Variants in LARGE2 observed in about 807,000 individuals in gnomAD.
LARGE2 encodes xylosyl- and glucuronyltransferase LARGE2.
LARGE2 carries 63 observed loss-of-function variants against 75.3 expected under a neutral mutation model. The ratio of observed to expected loss-of-function variants is 0.84; its 90% CI spans 0.68 to 1.03. The LOEUF (loss-of-function observed/expected upper bound fraction) is 1.03, where lower values mean the gene tolerates loss of function less well. LARGE2 is among the 50% of genes least tolerant of loss of function. LARGE2 has a pLI of 0.00. For missense variants in LARGE2, 925 were observed against 980.6 expected (o/e 0.94, Z 0.76); for synonymous variants, 428 against 420.1 (o/e 1.02, Z -0.23).
At chr11:45,924,715 C>T in intron 5 of LARGE2, 38 bp downstream of exon 5, 1 of 1,572,850 alleles carries the variant, frequency 6.4e-7, no homozygotes, top group Non-Finnish European at 8.6e-7. Context: ...TGCCCAGGAT[C>T]CCTGCATCCA....
chr11:45,923,437 A>AT (rs1182313976), intron 2 of LARGE2, 36 bp from the exon 3 acceptor site: 2 of 1,499,446 alleles, frequency 1.3e-6, no homozygotes, highest in Non-Finnish European at 9.0e-7. Flanking sequence ...CTAGCGGAGA[A>AT]GGGGGGCTGC....
At chr11:45,928,497 A>T (rs1489457394) in intron 13 of LARGE2, 125 bp downstream of exon 13, 1 of 1,527,828 alleles carries the variant, frequency 6.5e-7, no homozygotes, top group Non-Finnish European at 8.8e-7. Flanking sequence ...CCTTCTGTGG[A>T]ATTAAAATAA....
At position 45,924,515 on chromosome 11, in the gene LARGE2, T is replaced by C. The variant is rs1227348970; in HGVS notation, c.502T>C (p.Ser168Pro). The change falls in exon 5 of 14, where the codon TCC becomes CCC. Residue 168 changes from serine to proline, a missense_variant. Ser to Pro is a moderately conservative substitution (Grantham distance 74). Around this residue, in one of 3 missense-constraint regions of LARGE2, gnomAD observed 453 missense variants for 460.2 expected, o/e 0.98. Coordinates refer to ENST00000401752, the MANE Select transcript of LARGE2 (RefSeq NM_001300721.2). ...YHADQLKPQV[S>P]WIPNKHYSGL... The stretch of plus-strand genomic sequence containing the variant: ...CCTTTCCCCCACACAGCCCCAGGTC[T>C]CCTGGATCCCCAACAAGCACTACTC... The C allele has an allele frequency of 1.2e-6, 2 of 1,612,204 alleles. No homozygotes were observed. Among genetic ancestry groups the C allele is most frequent in the Non-Finnish European group, 8.5e-7 (1 of 1,179,308 alleles).
Position 45,926,850 on chromosome 11 carries a change from T to C in LARGE2, c.1304T>C (p.Val435Ala), listed in dbSNP as rs1433922020. Residue 435 changes from valine to alanine, a missense_variant, in exon 10 of 14, where the codon GTG becomes GCG. Val to Ala is a moderately conservative substitution (Grantham distance 64). Around this residue, in one of 3 missense-constraint regions of LARGE2, gnomAD observed 469 missense variants for 503.8 expected, o/e 0.93. Transcript: ENST00000401752. ...CCCCGGCCTCACGATGTCACCCTTGTGGCCCAGCTGTCCATGGACCGGTGA... is the reference window on the plus strand; with the variant it reads ...CCCCGGCCTCACGATGTCACCCTTGCGGCCCAGCTGTCCATGGACCGGTGA... ...PPPRPHDVTLVAQLSMDRLQM... is the reference protein window; with the variant it reads ...PPPRPHDVTLAAQLSMDRLQM... The C allele has an allele frequency of 6.2e-7, 1 of 1,612,046 alleles. No individual in the cohort carries two copies. The highest frequency in any genetic ancestry group is 8.5e-7 in the Non-Finnish European group (1 of 1,179,626).
rs904011062 is a variant in LARGE2, at chr11:45,923,102, G to C, written c.220G>C (p.Ala74Pro). The C allele has an allele frequency of 5.0e-6, 7 of 1,398,690 alleles. No homozygotes were observed. Among genetic ancestry groups the C allele is most frequent in the South Asian group, 1.5e-5 (1 of 64,518 alleles). The allele number at this position is 1,398,690 out of a possible 1,614,324, so 86.6% of individuals were successfully genotyped here. A position where few individuals can be genotyped will look rare whatever the true frequency, so the allele number is the denominator to read the frequency against. ...CGCCGCCCTCGACGGAGACCCGGGGGCCGGCCCCGGGGACCACAACCGCTC... is the reference window on the plus strand; with the variant it reads ...CGCCGCCCTCGACGGAGACCCGGGGCCCGGCCCCGGGGACCACAACCGCTC... ...RAAALDGDPG[A>P]GPGDHNRSDC... The change falls in exon 2 of 14, where the codon GCC becomes CCC. Residue 74 changes from alanine (A) to proline (P), a missense_variant. Coordinates refer to ENST00000401752, the MANE Select transcript of LARGE2 (RefSeq NM_001300721.2).
At chr11:45,923,792 C>T (rs2134720670) in intron 3 of LARGE2, among the ~76,000 whole-genome samples, 1 of 151,650 alleles carries the variant, frequency 6.6e-6, no homozygotes, top group East Asian at 1.9e-4. Context: ...CGAGACCATC[C>T]CGGCTAAAAC....
At chr11:45,925,198 A>AC (rs922643197) in intron 6 of LARGE2, among the ~76,000 whole-genome samples, 2 of 151,948 alleles carry the variant, frequency 1.3e-5, no homozygotes, top group Non-Finnish European at 2.9e-5. Context: ...CCTCCTCTTC[A>AC]CCCCCGAGGA....
intron 11 of LARGE2, 133 bp downstream of exon 11, chr11:45,927,726 C>T: frequency 1.4e-6 from 2 of 1,443,848 alleles, no homozygotes; most frequent in Non-Finnish European, 1.9e-6. Flanking sequence ...TTGTATTAGG[C>T]TGTTTCTCTG....
Position 45,926,822 on chromosome 11 carries a change from C to G in LARGE2, c.1276C>G (p.Pro426Ala), listed in dbSNP as rs376236828. 1 of 1,611,022 alleles carries G rather than the reference C, an allele frequency of 6.2e-7. No individual in the cohort carries two copies. The change falls in exon 10 of 14, where the codon CCC becomes GCC. Residue 426 changes from proline (P) to alanine (A), a missense_variant. Around this residue, in one of 3 missense-constraint regions of LARGE2, gnomAD observed 469 missense variants for 503.8 expected, o/e 0.93. Transcript: ENST00000401752. ...HVTFLPHEPP[P>A]PRPHDVTLVA... Reference sequence around the variant, plus strand: ...CACTTTCCTGCCCCATGAACCGCCACCCCCCCGGCCTCACGATGTCACCCT... The same window carrying G: ...CACTTTCCTGCCCCATGAACCGCCAGCCCCCCGGCCTCACGATGTCACCCT...
At chr11:45,924,364 A>T in intron 4 of LARGE2, 87 bp downstream of exon 4, 1 of 1,578,708 alleles carries the variant, frequency 6.3e-7, no homozygotes, top group Non-Finnish European at 8.6e-7. Context: ...GAAGAGAATC[A>T]TCAGTCCCCC....
At position 45,927,305 on chromosome 11, in the gene LARGE2, C is replaced by A. The variant is rs781446646; in HGVS notation, c.1326-10C>A. On this transcript the variant is annotated splice_polypyrimidine_tract_variant and intron_variant, in intron 10 of 13. Transcript: ENST00000401752. ...GGGGCAGAGCTGTGCTGACCTCCCT[C>A]TCCCCATAGGCTGCAGATGTTGGAA... 6.2e-7 allele frequency: 1 copy of A among 1,609,884 alleles called. No homozygotes were observed.
chr11:45,928,369 C>T lies in LARGE2; in HGVS notation c.1947C>T (p.Ala649=). ...TGGCCCACATTGTGGAGCTGGATGC[C>T]CAGGTGAGGAGGGCACCTTGCTGCC... ...NKVAHIVELD[A]QEYELLVLPE... The change falls in exon 13 of 14, where the codon GCC becomes GCT. Residue 649 remains alanine, a synonymous_variant. Transcript: ENST00000401752. 6.2e-7 allele frequency: 1 copy of T among 1,613,070 alleles called. No homozygotes were observed. Among genetic ancestry groups the T allele is most frequent in the South Asian group, 1.1e-5 (1 of 91,050 alleles).
chr11:45,928,752 C>G lies in LARGE2; in HGVS notation c.2073C>G (p.Asp691Glu), dbSNP rs777561624. The change falls in exon 14 of 14, where the codon GAC becomes GAG. Residue 691 changes from aspartate to glutamate, a missense_variant. This residue lies in a region of LARGE2 where 469 missense variants were observed against 503.8 expected (regional missense o/e 0.93). Coordinates refer to ENST00000401752, the MANE Select transcript of LARGE2 (RefSeq NM_001300721.2). Reference sequence around the variant, plus strand: ...GTGACTGCCTCCAGGCCCTCAAGGACGAATTCCACCAGGACTTGTCCCGCC... The same window carrying G: ...GTGACTGCCTCCAGGCCCTCAAGGAGGAATTCCACCAGGACTTGTCCCGCC... Reference protein sequence around the residue: ...TYRDCLQALKDEFHQDLSRHH... With the variant: ...TYRDCLQALKEEFHQDLSRHH... 4 of 1,614,130 alleles carry G rather than the reference C, an allele frequency of 2.5e-6. No individual in the cohort carries two copies. Among genetic ancestry groups the G allele is most frequent in the East Asian group, 4.5e-5 (2 of 44,868 alleles).
chr11:45,924,605 A>C lies in LARGE2; in HGVS notation c.592A>C (p.Ile198Leu), dbSNP rs747847544. 2 of 1,614,012 alleles carry C rather than the reference A, an allele frequency of 1.2e-6. No individual in the cohort carries two copies. The highest frequency in any genetic ancestry group is 1.7e-5 in the Admixed American group (1 of 60,012). ...CTTGCCTGCTGAGCTGGCCCGCGTC[A>C]TTGTCCTGGACACGGATGTCACCTT... Reference protein sequence around the residue: ...SALPAELARVIVLDTDVTFAS... With the variant: ...SALPAELARVLVLDTDVTFAS... The change falls in exon 5 of 14, where the codon ATT becomes CTT. Residue 198 changes from isoleucine to leucine, a missense_variant. Transcript: ENST00000401752.
Position 45,926,028 on chromosome 11 carries a change from T to C in LARGE2, c.770-11T>C. 1 of 1,550,870 alleles carries C rather than the reference T, an allele frequency of 6.4e-7. No individual in the cohort carries two copies. Among genetic ancestry groups the C allele is most frequent in the Non-Finnish European group, 8.7e-7 (1 of 1,145,688 alleles). On this transcript the variant is annotated splice_polypyrimidine_tract_variant and intron_variant, in intron 6 of 13. Transcript: ENST00000401752. ...TCCCAGGTGGGCATGACAGCATCTC[T>C]TCATTGGCAGGTGTGATCCTGCTGC...
chr11:45,922,925 C>CTGT lies in LARGE2; in HGVS notation c.46_48dup (p.Leu22dup). 1 of 1,281,938 alleles carries CTGT rather than the reference C, an allele frequency of 7.8e-7. No individual in the cohort carries two copies. Among genetic ancestry groups the CTGT allele is most frequent in the South Asian group, 2.7e-5 (1 of 37,466 alleles). 79.4% of individuals were successfully genotyped at this position (1,281,938 alleles called of 1,614,324 possible). On this transcript the variant is annotated inframe_insertion, in exon 2 of 14. Coordinates refer to ENST00000401752, the MANE Select transcript of LARGE2 (RefSeq NM_001300721.2). ...CCCCCGGGCGCTGGGGGCCGCCGCG[C>CTGT]TGTTGCTGCTGCTGCTGCTGCTCGG...
At chr11:45,922,462 T>A (rs956885590), upstream of LARGE2, among the ~76,000 whole-genome samples, 1 of 151,546 alleles carries the variant, frequency 6.6e-6, no homozygotes, top group Non-Finnish European at 1.5e-5. Flanking sequence ...CTGCTCCCGC[T>A]CCCCCAGCCC....
chr11:45,923,200 T>TG, intron 2 of LARGE2, 33 bp downstream of exon 2: 2 of 1,324,424 alleles, frequency 1.5e-6, no homozygotes, highest in Non-Finnish European at 1.9e-6. Context: ...GCGGGAGTCC[T>TG]GGGGGCGCCG....
In LARGE2 at chr11:45,924,220, C is replaced by T. The variant is rs145890713; in HGVS notation, c.435C>T (p.Phe145=). Residue 145 remains phenylalanine (F), a synonymous_variant, in exon 4 of 14, where the codon TTC becomes TTT. Transcript: ENST00000401752. ...AVARNILETL[F]HTWMVPAVRV... ...CCAGAAACATCCTGGAGACGCTCTTCCACACATGGATGGTGCCTGCTGTCC... is the reference window on the plus strand; with the variant it reads ...CCAGAAACATCCTGGAGACGCTCTTTCACACATGGATGGTGCCTGCTGTCC... 1.0e-3 allele frequency: 1,664 copies of T among 1,613,600 alleles called. 3 individuals carry two copies. The highest frequency in any genetic ancestry group is 1.3e-3 in the Non-Finnish European group (1,512 of 1,180,020).
Sources: allele counts gnomAD v4.1 joint callset (sites outside exome capture counted in the v4.1 genomes callset), GRCh38; gene constraint gnomAD v4.1.1; regional missense constraint gnomAD v4.1.1; transcripts MANE v1.5; gene names NCBI Gene and HGNC (gene_info 2026-07-23, HGNC 2026-07-21).